Variants in JMY observed in about 807,000 individuals in gnomAD.
JMY encodes junction-mediating and -regulatory protein.
JMY carries 46 observed loss-of-function variants against 103.3 expected under a neutral mutation model. The ratio of observed to expected loss-of-function variants is 0.45; its 90% CI spans 0.35 to 0.57. The LOEUF is 0.57. JMY is among the 20% of genes least tolerant of loss of function. JMY has a pLI of 0.00. For synonymous variants in JMY, 526 were observed against 489.3 expected, an observed-to-expected ratio of 1.07 and a Z score of -0.99; for missense variants, 1,238 against 1,255.2, an observed-to-expected ratio of 0.99 and a Z score of 0.21.
intron 4 of JMY, among the ~76,000 whole-genome samples, chr5:79,298,938 A>G (rs1450540189): frequency 6.6e-6 from 1 of 152,144 alleles, no homozygotes; most frequent in African/African-American, 2.4e-5. Context: ...GCCAGACAAA[A>G]GGGATCATTT....
rs1459811701 is a variant in JMY, at chr5:79,314,845, A to C, written c.2653A>C (p.Arg885=). ...LRKTAEGLQR[R]RVSSPMDEVL... ...AAAGACTGCTGAAGGTTTGCAGAGG[A>C]GGAGAGGTACGTCAACATATTTTCA... is the stretch of plus-strand genomic sequence containing the variant. Residue 885 remains arginine (R), a synonymous_variant, in exon 9 of 11, where the codon AGG becomes CGG. Transcript: ENST00000396137. 1 of 1,561,546 alleles carries C rather than the reference A, an allele frequency of 6.4e-7. No individual in the cohort carries two copies. Among genetic ancestry groups the C allele is most frequent in the Non-Finnish European group, 8.7e-7 (1 of 1,155,168 alleles).
chr5:79,294,402 G>T (rs1746509624), intron 4 of JMY, among the ~76,000 whole-genome samples: 1 of 152,012 alleles, frequency 6.6e-6, no homozygotes, highest in Admixed American at 6.6e-5. Context: ...GTGAGACTCC[G>T]TCTAAAATAA....
chr5:79,317,340 C>T (rs1251355032), intron 10 of JMY, among the ~76,000 whole-genome samples: 4 of 152,060 alleles, frequency 2.6e-5, no homozygotes, highest in Admixed American at 2.0e-4. Flanking sequence ...TTAAGATTCT[C>T]TTTGGTTACA....
chr5:79,254,151 C>T (rs1303650042), intron 1 of JMY, among the ~76,000 whole-genome samples: 2 of 148,286 alleles, frequency 1.3e-5, no homozygotes, highest in East Asian at 2.0e-4. Flanking sequence ...GACGGGGTTT[C>T]GCGATGTTGG....
At chr5:79,316,776 GGCAT>G (rs1276168409) in intron 10 of JMY, among the ~76,000 whole-genome samples, 3 of 151,584 alleles carry the variant, frequency 2.0e-5, no homozygotes, top group Non-Finnish European at 4.4e-5. Context: ...CGTGGTGGCG[GGCAT>G]CTGTAATCCC....
At position 79,316,076 on chromosome 5, in the gene JMY, T is replaced by C; in HGVS notation, c.2736T>C (p.Thr912=). 1 of 1,614,206 alleles carries C rather than the reference T, an allele frequency of 6.2e-7. No individual in the cohort carries two copies. The highest frequency in any genetic ancestry group is 8.5e-7 in the Non-Finnish European group (1 of 1,180,022). Residue 912 remains threonine, a synonymous_variant, in exon 10 of 11, where the codon ACT becomes ACC. Coordinates refer to ENST00000396137, the MANE Select transcript of JMY (RefSeq NM_152405.5). The stretch of plus-strand genomic sequence containing the variant: ...ATCTGAAAAAGGTTGAACAGCGAAC[T>C]CTGCCTCCTTTTCCTGATGAAGATG... ...SFHLKKVEQR[T]LPPFPDEDDS...
chr5:79,303,742 C>T (rs1483617400), intron 6 of JMY, among the ~76,000 whole-genome samples: 4 of 152,090 alleles, frequency 2.6e-5, no homozygotes, highest in Non-Finnish European at 5.9e-5. Context: ...TCAGTAGGCT[C>T]AGGTGCTCCA....
In JMY at chr5:79,239,744, A is replaced by T. The variant is rs561231421; in HGVS notation, c.1032+2062A>T. Among the ~76,000 whole-genome samples the T allele has an allele frequency of 2.1e-4, 32 of 151,268 alleles. No homozygotes were observed. The South Asian group carries it at 6.8e-3, about 32-fold the overall frequency. On this transcript the variant is annotated intron_variant, in intron 1 of 10. Coordinates refer to ENST00000396137, the MANE Select transcript of JMY (RefSeq NM_152405.5). Reference sequence around the variant, plus strand: ...AGAATGGCGTGAACCCAGGAGGCGTAGCTTGCAATGAGCTGAGATCATGCC... The same window carrying T: ...AGAATGGCGTGAACCCAGGAGGCGTTGCTTGCAATGAGCTGAGATCATGCC...
chr5:79,253,944 CT>C (rs562468793), intron 1 of JMY, among the ~76,000 whole-genome samples: 10,775 of 131,464 alleles, frequency 0.082, 436 homozygotes, highest in Admixed American at 0.12. Context: ...TGGTAGATGA[CT>C]TTTTTTTTTT....
In JMY at chr5:79,325,920, C is replaced by T. The variant is rs1014071944; in HGVS notation, c.*4318C>T. On this transcript the variant is annotated 3_prime_UTR_variant, in exon 11 of 11. Transcript: ENST00000396137. ...TGTGTGAATGTATGAAAAGTTTCCC[C>T]ATTGGGTTATTCTTAAGATGTGTTT... is the stretch of plus-strand genomic sequence containing the variant. 6.6e-6 allele frequency: 1 copy of T among 152,058 alleles called. No homozygotes were observed. Among genetic ancestry groups the T allele is most frequent in the African/African-American group, 2.4e-5 (1 of 41,394 alleles). The allele number at this position is 152,058 out of a possible 1,614,324, so 9.4% of individuals were successfully genotyped here.
In JMY at chr5:79,312,394, T is replaced by C. The variant is rs201506609; in HGVS notation, c.1969-9T>C. On this transcript the variant is annotated splice_polypyrimidine_tract_variant and intron_variant, in intron 7 of 10. Coordinates refer to ENST00000396137, the MANE Select transcript of JMY (RefSeq NM_152405.5). ...CAGCATAATGGAATTATTATTAATT[T>C]TTTACCAGAAGAGAGAAAAATTACA... 2.0e-6 allele frequency: 3 copies of C among 1,497,900 alleles called. No homozygotes were observed. The Admixed American group carries it at 6.4e-5, about 32-fold the overall frequency. 92.8% of individuals were successfully genotyped at this position (1,497,900 alleles called of 1,614,324 possible). A position where few individuals can be genotyped will look rare whatever the true frequency, so the allele number is the denominator to read the frequency against.
chr5:79,262,176 A>G (rs1745445747), intron 1 of JMY, among the ~76,000 whole-genome samples: 1 of 152,182 alleles, frequency 6.6e-6, no homozygotes, highest in East Asian at 1.9e-4. Context: ...TGTGGCTCTC[A>G]GTGAATCTTC....
In JMY at chr5:79,298,896, C is replaced by CT. The variant is rs199871300; in HGVS notation, c.1528-1252dup. ...GCTGGAATTTTCTTTAAAACGTATTCTTTTTATGTGCTGACAGGTTTTACC... is the reference window on the plus strand; with the variant it reads ...GCTGGAATTTTCTTTAAAACGTATTCTTTTTTATGTGCTGACAGGTTTTACC... On this transcript the variant is annotated intron_variant, in intron 4 of 10. Coordinates refer to ENST00000396137, the MANE Select transcript of JMY (RefSeq NM_152405.5). Among the ~76,000 whole-genome samples, 876 of 152,230 alleles carry CT rather than the reference C, an allele frequency of 5.8e-3. 4 individuals carry two copies. Among genetic ancestry groups the CT allele is most frequent in the African/African-American group, 0.019 (809 of 41,530 alleles).
chr5:79,253,354 G>A (rs377263914), intron 1 of JMY, among the ~76,000 whole-genome samples: 5 of 151,352 alleles, frequency 3.3e-5, no homozygotes, highest in Non-Finnish European at 7.4e-5. Context: ...GTGCAGTGGC[G>A]CAATCTCGGG....
chr5:79,296,715 G>A (rs1746573787), intron 4 of JMY, among the ~76,000 whole-genome samples: 1 of 152,198 alleles, frequency 6.6e-6, no homozygotes. Context: ...AAACAGTGGT[G>A]GATGCTCAGT....
At chr5:79,313,676 A>G (rs546385058) in intron 8 of JMY, among the ~76,000 whole-genome samples, 1 of 152,322 alleles carries the variant, frequency 6.6e-6, no homozygotes, top group East Asian at 1.9e-4. Context: ...TGCATTTTAC[A>G]TGCTATTTGT....
At chr5:79,278,161 G>T in intron 2 of JMY, 78 bp downstream of exon 2, 4 of 941,190 alleles carry the variant, frequency 4.2e-6, no homozygotes, top group Admixed American at 2.8e-5. Context: ...TTATCCACAA[G>T]AGGAACTTTA....
intron 7 of JMY, among the ~76,000 whole-genome samples, chr5:79,309,071 A>G (rs2112114745): frequency 1.3e-5 from 2 of 152,000 alleles, no homozygotes; most frequent in East Asian, 1.9e-4. Flanking sequence ...TATAATCTAG[A>G]TTTTTTTTGT....
chr5:79,279,093 G>C (rs957855549), intron 2 of JMY, among the ~76,000 whole-genome samples: 5 of 152,048 alleles, frequency 3.3e-5, no homozygotes, highest in African/African-American at 1.2e-4. Context: ...CAGCACTTTG[G>C]GAGGCTGAGG....
Sources: gnomAD v4.1 joint callset for allele counts (sites outside exome capture counted in the v4.1 genomes callset) on GRCh38, gnomAD v4.1.1 for gene constraint, MANE v1.5 for transcripts, NCBI Gene and HGNC (gene_info 2026-07-23, HGNC 2026-07-21) for gene names.